Variants in GRM8 observed in about 807,000 individuals in gnomAD.
The protein encoded by GRM8 is glutamate metabotropic receptor 8, also known as metabotropic glutamate receptor 8.
Under a neutral mutation model 87.2 loss-of-function variants are expected in GRM8, and 47 were observed. The observed-to-expected ratio is 0.54, with a 90% CI of 0.43 to 0.69. The LOEUF (loss-of-function observed/expected upper bound fraction) is 0.69, where lower values mean the gene tolerates loss of function less well. GRM8 is among the 30% of genes least tolerant of loss of function. The pLI, the probability that GRM8 is intolerant of heterozygous loss-of-function variation, is 0.00. For synonymous variants in GRM8, 396 were observed against 404.5 expected (o/e 0.98, Z 0.25); for missense variants, 1,019 against 1,139.2 (o/e 0.89, Z 1.52).
intron 3 of GRM8, among the ~76,000 whole-genome samples, chr7:126,942,125 GT>G (rs752166098): frequency 3.3e-5 from 5 of 151,948 alleles, no homozygotes; most frequent in Non-Finnish European, 5.9e-5. Context: ...CTTTCTGGAT[GT>G]TTTGATTACA....
chr7:126,868,513 A>G (rs1798804701), intron 6 of GRM8, among the ~76,000 whole-genome samples: 2 of 152,248 alleles, frequency 1.3e-5, no homozygotes, highest in Admixed American at 1.3e-4. Context: ...ACACTTGGCC[A>G]ACAGGATGTG....
At chr7:127,180,754 C>T (rs1167108945) in intron 2 of GRM8, among the ~76,000 whole-genome samples, 1 of 152,068 alleles carries the variant, frequency 6.6e-6, no homozygotes, top group East Asian at 1.9e-4. Flanking sequence ...ACATGTTCAT[C>T]TCAATAGATG....
At chr7:126,992,469 A>T (rs1393115684) in intron 3 of GRM8, among the ~76,000 whole-genome samples, 1 of 152,220 alleles carries the variant, frequency 6.6e-6, no homozygotes, top group Non-Finnish European at 1.5e-5. Flanking sequence ...TATTAACAAT[A>T]GGCAATTGGA....
intron 7 of GRM8, among the ~76,000 whole-genome samples, chr7:126,621,371 C>A (rs1585254323): frequency 6.6e-6 from 1 of 152,258 alleles, no homozygotes; most frequent in East Asian, 1.9e-4. Context: ...ATCCTGGCTG[C>A]AGAGTTAGAC....
At chr7:126,767,221 G>T (rs892728096) in intron 7 of GRM8, among the ~76,000 whole-genome samples, 4 of 152,136 alleles carry the variant, frequency 2.6e-5, no homozygotes, top group African/African-American at 9.6e-5. Context: ...TATCATCAGG[G>T]CTCAAAAGAG....
intron 7 of GRM8, among the ~76,000 whole-genome samples, chr7:126,614,693 C>A (rs1296469930): frequency 6.6e-6 from 1 of 152,132 alleles, no homozygotes; most frequent in African/African-American, 2.4e-5. Context: ...CCTGATGGAG[C>A]TGAAAACTAT....
chr7:126,570,422 CAGCTGCAAT>C (rs1432678063), intron 8 of GRM8, among the ~76,000 whole-genome samples: 1 of 152,144 alleles, frequency 6.6e-6, no homozygotes, highest in African/African-American at 2.4e-5. Flanking sequence ...TAAGCCACTC[CAGCTGCAAT>C]AGCCTACTTC....
intron 7 of GRM8, among the ~76,000 whole-genome samples, chr7:126,656,363 C>T (rs1022577410): frequency 2.0e-5 from 3 of 152,122 alleles, no homozygotes; most frequent in Non-Finnish European, 4.4e-5. Context: ...TCCACTCCTC[C>T]TCATGTTATT....
At chr7:126,471,113 G>A (rs1805155443) in intron 9 of GRM8, among the ~76,000 whole-genome samples, 1 of 151,878 alleles carries the variant, frequency 6.6e-6, no homozygotes, top group Non-Finnish European at 1.5e-5. Context: ...TGAGTAGGTT[G>A]CGAAAATTTT....
chr7:126,496,337 T>C (rs1808737299), intron 9 of GRM8, among the ~76,000 whole-genome samples: 1 of 151,848 alleles, frequency 6.6e-6, no homozygotes, highest in Non-Finnish European at 1.5e-5. Flanking sequence ...TTTTATAGAT[T>C]AGATAAATGA....
At chr7:127,248,716 G>C (rs923261573) in intron 1 of GRM8, among the ~76,000 whole-genome samples, 21 of 152,178 alleles carry the variant, frequency 1.4e-4, no homozygotes, top group African/African-American at 5.1e-4. Flanking sequence ...CTAACAATCT[G>C]TCCTAGAACT....
rs1396959096 is a variant in GRM8 at position 126,830,627 on chromosome 7, A to G, written c.1157-60562T>C. Among the ~76,000 whole-genome samples, 4 of 152,104 alleles carry G rather than the reference A, an allele frequency of 2.6e-5. No homozygotes were observed. The East Asian group carries it at 7.7e-4, about 29-fold the overall frequency. On this transcript the variant is annotated intron_variant, in intron 6 of 10. Transcript: ENST00000339582. ...GTCTTAATTTTTTTCAAAGTTTTCA[A>G]CTTCTTTGCCTTTGGTTTGAATTTC...
chr7:126,507,680 A>G (rs1211108951), intron 9 of GRM8, among the ~76,000 whole-genome samples: 1 of 152,066 alleles, frequency 6.6e-6, no homozygotes, highest in Non-Finnish European at 1.5e-5. Context: ...CACTATTGGC[A>G]ACATTAAAGT....
intron 3 of GRM8, among the ~76,000 whole-genome samples, chr7:126,961,561 C>A (rs1033921457): frequency 6.6e-6 from 1 of 152,160 alleles, no homozygotes; most frequent in Non-Finnish European, 1.5e-5. Context: ...CTACTATGTG[C>A]CACACTCTGC....
At chr7:126,553,810 G>A (rs1161123175) in intron 8 of GRM8, among the ~76,000 whole-genome samples, 1 of 152,032 alleles carries the variant, frequency 6.6e-6, no homozygotes, top group Non-Finnish European at 1.5e-5. Flanking sequence ...ATATACAGCT[G>A]GAAAGCAATT....
intron 7 of GRM8, among the ~76,000 whole-genome samples, chr7:126,765,012 C>G (rs1387598200): frequency 2.6e-5 from 4 of 152,108 alleles, no homozygotes; most frequent in Middle Eastern, 3.4e-3. Flanking sequence ...TCTGTGACAA[C>G]CAAGTTTGTA....
intron 9 of GRM8, among the ~76,000 whole-genome samples, chr7:126,491,567 G>A (rs551620950): frequency 3.9e-5 from 6 of 151,928 alleles, no homozygotes; most frequent in Non-Finnish European, 5.9e-5. Flanking sequence ...TTTTCATACC[G>A]TTAGAAGTAA....
At chr7:126,696,227 G>A (rs557564539) in intron 7 of GRM8, among the ~76,000 whole-genome samples, 182 of 152,224 alleles carry the variant, frequency 1.2e-3, no homozygotes, top group African/African-American at 4.3e-3. Flanking sequence ...TTGAAAAAAT[G>A]CATTTTATTT....
At chr7:126,774,260 G>C (rs1327307843) in intron 6 of GRM8, among the ~76,000 whole-genome samples, 2 of 152,276 alleles carry the variant, frequency 1.3e-5, no homozygotes, top group Admixed American at 6.5e-5. Flanking sequence ...ACAGCAGCTA[G>C]AATTTGCTCC....
Sources: gnomAD v4.1 joint callset for allele counts (sites outside exome capture counted in the v4.1 genomes callset) on GRCh38, gnomAD v4.1.1 for gene constraint, MANE v1.5 for transcripts, NCBI Gene and HGNC (gene_info 2026-07-23, HGNC 2026-07-21) for gene names.